GRIK2: variants seen among roughly 807,000 people sequenced by gnomAD.
GRIK2 encodes glutamate receptor ionotropic, kainate 2.
In GRIK2, 32 loss-of-function variants were observed where a neutral mutation model predicts 100.3. That is an observed-to-expected ratio of 0.32 (90% confidence interval 0.24 to 0.43). The LOEUF (loss-of-function observed/expected upper bound fraction) is 0.43, where lower values mean the gene tolerates loss of function less well. Ranked by LOEUF, GRIK2 falls within the 20% of genes least tolerant of loss-of-function variation. GRIK2 has a pLI of 1.00. For synonymous variants in GRIK2, 417 were observed against 389.4 expected (o/e 1.07, Z -0.83); for missense variants, 843 against 1,114.9 (o/e 0.76, Z 3.47).
intron 14 of GRIK2, among the ~76,000 whole-genome samples, chr6:101,990,077 T>C (rs1457018525): frequency 6.6e-6 from 1 of 151,590 alleles, no homozygotes; most frequent in Non-Finnish European, 1.5e-5. Flanking sequence ...TTACATTGAG[T>C]AATTGCAGTA....
At chr6:101,567,680 A>G (rs529600443) in intron 2 of GRIK2, among the ~76,000 whole-genome samples, 49 of 152,046 alleles carry the variant, frequency 3.2e-4, no homozygotes, top group African/African-American at 1.1e-3. Context: ...TGGAATCTAA[A>G]CCTTAATCAA....
intron 14 of GRIK2, among the ~76,000 whole-genome samples, chr6:101,957,160 AATATTTGAGGTTT>A (rs1791988938): frequency 6.6e-6 from 1 of 151,838 alleles, no homozygotes; most frequent in African/African-American, 2.4e-5. Context: ...AACATGTGTT[AATATTTGAGGTTT>A]TAATAATAGC....
At chr6:101,810,407 A>G (rs1413065463) in intron 9 of GRIK2, among the ~76,000 whole-genome samples, 1 of 152,052 alleles carries the variant, frequency 6.6e-6, no homozygotes, top group African/African-American at 2.4e-5. Flanking sequence ...TTACTGATTT[A>G]TTGTACTCAT....
chr6:101,748,685 G>C (rs1050393220), intron 7 of GRIK2, among the ~76,000 whole-genome samples: 8 of 152,030 alleles, frequency 5.3e-5, no homozygotes, highest in Non-Finnish European at 1.0e-4. Flanking sequence ...TTGAAAAAAT[G>C]TTGAATAAGA....
At chr6:101,757,041 A>C (rs1384059521) in intron 7 of GRIK2, among the ~76,000 whole-genome samples, 2 of 152,170 alleles carry the variant, frequency 1.3e-5, no homozygotes, top group African/African-American at 4.8e-5. Flanking sequence ...GTTGAGATTC[A>C]CGTTCCAGAA....
chr6:101,662,911 C>T (rs913706631), intron 4 of GRIK2, among the ~76,000 whole-genome samples: 1 of 151,986 alleles, frequency 6.6e-6, no homozygotes, highest in Non-Finnish European at 1.5e-5. Flanking sequence ...GTCATGTATT[C>T]CTGATACATT....
At chr6:101,554,501 A>T (rs1366345477) in intron 2 of GRIK2, among the ~76,000 whole-genome samples, 1 of 152,172 alleles carries the variant, frequency 6.6e-6, no homozygotes, top group East Asian at 1.9e-4. Flanking sequence ...GGATATATAA[A>T]GAAATAAAAA....
Position 101,898,206 on chromosome 6 carries a change from G to T in GRIK2, c.1748+8343G>T, listed in dbSNP as rs147783863. ...AGATTAGAGATGTTTTCTTTTTGTT[G>T]AATGCTGTTATTGTAACACTTTTTA... is the stretch of plus-strand genomic sequence containing the variant. On this transcript the variant is annotated intron_variant, in intron 12 of 16. Transcript: ENST00000369134. Among the ~76,000 whole-genome samples, 1,204 of 151,758 alleles carry T rather than the reference G, an allele frequency of 7.9e-3. 22 individuals carry two copies. The highest frequency in any genetic ancestry group is 0.027 in the African/African-American group (1,139 of 41,466).
At position 101,629,237 on chromosome 6, in the gene GRIK2, T is replaced by A. The variant is rs561034018; in HGVS notation, c.541+2600T>A. Among the ~76,000 whole-genome samples the A allele has an allele frequency of 1.8e-4, 27 of 152,240 alleles. No homozygotes were observed. In the South Asian group the frequency reaches 5.6e-3, roughly 32 times the overall value. On this transcript the variant is annotated intron_variant, in intron 4 of 16. Transcript: ENST00000369134. ...TTGGCTTTGAAGGTGACATAGACAGTTGGATATTTGAAAAGTCTGATTAGT... is the reference window on the plus strand; with the variant it reads ...TTGGCTTTGAAGGTGACATAGACAGATGGATATTTGAAAAGTCTGATTAGT...
rs543973582 is a variant in GRIK2 at position 101,396,245 on chromosome 6, C to T, written c.-294+2408C>T. 9.6e-3 allele frequency among the ~76,000 whole-genome samples: 1,322 copies of T among 137,214 alleles called. 28 individuals carry two copies. Among genetic ancestry groups the T allele is most frequent in the African/African-American group, 0.031 (1,217 of 39,322 alleles). 90.0% of individuals were successfully genotyped at this position (137,214 alleles called of 152,430 possible). On this transcript the variant is annotated intron_variant, in intron 1 of 16. Coordinates refer to ENST00000369134, the MANE Select transcript of GRIK2 (RefSeq NM_021956.5). ...TATAGGGATGTAAATTTAGCATTCC[C>T]CCCCCCCCCAGGAAGTGAGTGAGTT...
intron 2 of GRIK2, among the ~76,000 whole-genome samples, chr6:101,607,651 GT>G (rs1387271822): frequency 4.0e-5 from 6 of 151,890 alleles, no homozygotes; most frequent in African/African-American, 1.2e-4. Flanking sequence ...CTACAGAAAA[GT>G]GTCTATTTAA....
intron 7 of GRIK2, among the ~76,000 whole-genome samples, chr6:101,704,239 G>T (rs1337256125): frequency 6.6e-6 from 1 of 151,554 alleles, no homozygotes; most frequent in Non-Finnish European, 1.5e-5. Flanking sequence ...ACCTAAAAGA[G>T]TTGCCAGTAT....
chr6:101,865,512 T>G (rs1381875436), intron 11 of GRIK2, among the ~76,000 whole-genome samples: 2 of 152,228 alleles, frequency 1.3e-5, no homozygotes. Context: ...GGAATTGACT[T>G]GCACAGCCAT....
chr6:101,610,543 C>T (rs946917007), intron 2 of GRIK2, among the ~76,000 whole-genome samples: 4 of 151,722 alleles, frequency 2.6e-5, no homozygotes, highest in African/African-American at 9.7e-5. Flanking sequence ...AGTTAAGTGT[C>T]CCATATTTGC....
intron 14 of GRIK2, among the ~76,000 whole-genome samples, chr6:102,026,136 A>ACAC (rs1769691393): frequency 1.3e-5 from 1 of 74,580 alleles, no homozygotes; most frequent in Non-Finnish European, 3.4e-5. Context: ...ATATATATAT[A>ACAC]TATATATATA....
intron 14 of GRIK2, among the ~76,000 whole-genome samples, chr6:101,978,227 C>G (rs1793514288): frequency 6.6e-6 from 1 of 151,780 alleles, no homozygotes. Flanking sequence ...ACAGGTGTTT[C>G]AAGATTAAAG....
chr6:101,497,733 G>T (rs1020957343), intron 2 of GRIK2, among the ~76,000 whole-genome samples: 1 of 151,990 alleles, frequency 6.6e-6, no homozygotes, highest in Non-Finnish European at 1.5e-5. Flanking sequence ...TAACTTTTAA[G>T]TTCTGAATTT....
Position 101,983,540 on chromosome 6 carries a change from T to A in GRIK2, c.2086-51801T>A, listed in dbSNP as rs569534547. The stretch of plus-strand genomic sequence containing the variant: ...AAACACACTAATACATGTCCTCATG[T>A]TTTATTGAATTTCTAATGTTAAATG... On this transcript the variant is annotated intron_variant, in intron 14 of 16. Transcript: ENST00000369134. 1.3e-4 allele frequency among the ~76,000 whole-genome samples: 19 copies of A among 151,906 alleles called. No homozygotes were observed. In the East Asian group the frequency reaches 3.5e-3, roughly 28 times the overall value.
At chr6:101,826,589 A>G (rs1270601583) in intron 10 of GRIK2, among the ~76,000 whole-genome samples, 2 of 152,066 alleles carry the variant, frequency 1.3e-5, no homozygotes, top group East Asian at 3.9e-4. Flanking sequence ...GCTAATAGGT[A>G]CAGTCTCCTT....
Sources: gnomAD v4.1 joint callset for allele counts (sites outside exome capture counted in the v4.1 genomes callset) on GRCh38, gnomAD v4.1.1 for gene constraint, MANE v1.5 for transcripts, NCBI Gene and HGNC (gene_info 2026-07-23, HGNC 2026-07-21) for gene names.